The following UBE2G1 variants were observed in gnomAD, a reference collection of about 807,000 sequenced individuals.
The protein encoded by UBE2G1 is ubiquitin-conjugating enzyme E2 G1.
In UBE2G1, 5 loss-of-function variants were observed where a neutral mutation model predicts 22.7. That is an observed-to-expected ratio of 0.22 (90% CI 0.12 to 0.46). UBE2G1 has a LOEUF of 0.46. UBE2G1 is among the 20% of genes least tolerant of loss of function. The pLI is 0.99. For synonymous variants in UBE2G1, 74 were observed against 67.5 expected, an observed-to-expected ratio of 1.10 and a Z score of -0.47; for missense variants, 88 against 203.9, an observed-to-expected ratio of 0.43 and a Z score of 3.46.
chr17:4,348,275 C>T (rs887870243), intron 1 of UBE2G1, among the ~76,000 whole-genome samples: 1 of 151,844 alleles, frequency 6.6e-6, no homozygotes, highest in Non-Finnish European at 1.5e-5. Context: ...AAAAATAGGC[C>T]GGGCGCGGTG....
chr17:4,365,826 G>T lies in UBE2G1; in HGVS notation c.46+445C>A, dbSNP rs561766705. ...TATCCCGCCAGGGCCGGTCCCTTCCGCCCGCCCTCAGACACCGAGCCGGGG... is the reference window on the plus strand; with the variant it reads ...TATCCCGCCAGGGCCGGTCCCTTCCTCCCGCCCTCAGACACCGAGCCGGGG... On this transcript the variant is annotated intron_variant, in intron 1 of 5. Coordinates refer to ENST00000396981, the MANE Select transcript of UBE2G1 (RefSeq NM_003342.5). 6.6e-5 allele frequency among the ~76,000 whole-genome samples: 10 copies of T among 152,264 alleles called. No individual in the cohort carries two copies. The South Asian group carries it at 2.1e-3, about 32-fold the overall frequency.
At position 4,347,068 on chromosome 17, in the gene UBE2G1, G is replaced by A. The variant is rs534641420; in HGVS notation, c.46+19203C>T. ...CTCAGGAGGCGGAGGCAGGAGGATC[G>A]CTTGAGCCCAGGAGGCGGAGGTTGC... On this transcript the variant is annotated intron_variant, in intron 1 of 5. Transcript: ENST00000396981. Among the ~76,000 whole-genome samples the A allele has an allele frequency of 1.4e-3, 213 of 151,998 alleles. 1 individual carries two copies. Among genetic ancestry groups the A allele is most frequent in the Middle Eastern group, 3.4e-3 (1 of 294 alleles).
intron 1 of UBE2G1, among the ~76,000 whole-genome samples, chr17:4,322,776 T>C (rs1333704072): frequency 6.6e-6 from 1 of 152,184 alleles, no homozygotes; most frequent in African/African-American, 2.4e-5. Context: ...ACTGTTTCTA[T>C]GCAACAGAAA....
intron 1 of UBE2G1, among the ~76,000 whole-genome samples, chr17:4,356,137 C>T (rs1240540394): frequency 2.7e-5 from 4 of 149,522 alleles, no homozygotes; most frequent in East Asian, 2.0e-4. Flanking sequence ...GGGCAGATCA[C>T]CTGAGGTCAG....
intron 1 of UBE2G1, among the ~76,000 whole-genome samples, chr17:4,311,084 G>T (rs777063742): frequency 9.2e-5 from 14 of 151,976 alleles, no homozygotes; most frequent in Non-Finnish European, 1.6e-4. Flanking sequence ...AAATTAGCCA[G>T]GCACAGTGAT....
rs71144177 is a variant in UBE2G1 at position 4,279,785 on chromosome 17, TTA to T, written c.*37+3011_*37+3012del. Among the ~76,000 whole-genome samples the T allele has an allele frequency of 6.7e-3, 461 of 68,688 alleles. 13 individuals are homozygous for T. The highest frequency in any genetic ancestry group is 0.015 in the African/African-American group (340 of 22,956). 45.1% of individuals were successfully genotyped at this position (68,688 alleles called of 152,430 possible). A position where few individuals can be genotyped will look rare whatever the true frequency, so the allele number is the denominator to read the frequency against. On this transcript the variant is annotated intron_variant, in intron 5 of 5. Transcript: ENST00000396981. Reference sequence around the variant, plus strand: ...GCGAAACTCTGCCCCCAAAAAAAAGTTATATATATATATATATATATATATAT... The same window carrying T: ...GCGAAACTCTGCCCCCAAAAAAAAGTTATATATATATATATATATATATAT...
At chr17:4,336,400 C>T (rs1467361547) in intron 1 of UBE2G1, among the ~76,000 whole-genome samples, 10 of 152,044 alleles carry the variant, frequency 6.6e-5, no homozygotes, top group Admixed American at 6.5e-4. Flanking sequence ...CTTTCAAAAC[C>T]AGCTGAATTC....
chr17:4,310,439 G>A (rs1424213034), intron 1 of UBE2G1, among the ~76,000 whole-genome samples: 1 of 152,176 alleles, frequency 6.6e-6, no homozygotes, highest in African/African-American at 2.4e-5. Flanking sequence ...AAGGATTTGG[G>A]TGAGGGAATT....
At chr17:4,279,169 G>GA (rs1968853549) in intron 5 of UBE2G1, among the ~76,000 whole-genome samples, 1 of 152,006 alleles carries the variant, frequency 6.6e-6, no homozygotes. Context: ...CAGCTACTTG[G>GA]GAGGCTGAGG....
At chr17:4,275,311 A>T (rs1968808757) in intron 5 of UBE2G1, among the ~76,000 whole-genome samples, 1 of 152,234 alleles carries the variant, frequency 6.6e-6, no homozygotes, top group African/African-American at 2.4e-5. Flanking sequence ...TAAATGTGAA[A>T]CTGAATTAAC....
chr17:4,301,934 A>C (rs1969185168), intron 2 of UBE2G1: 1 of 482,318 alleles, frequency 2.1e-6, no homozygotes, highest in African/African-American at 2.0e-5. Flanking sequence ...GGTCACACTT[A>C]AGATTGGGGG....
intron 4 of UBE2G1, among the ~76,000 whole-genome samples, chr17:4,284,769 A>C (rs1339137199): frequency 6.6e-6 from 1 of 150,732 alleles, no homozygotes; most frequent in Non-Finnish European, 1.5e-5. Flanking sequence ...TGAGTGACAT[A>C]AATACCATTT....
chr17:4,352,941 G>A (rs1428439887), intron 1 of UBE2G1, among the ~76,000 whole-genome samples: 4 of 152,100 alleles, frequency 2.6e-5, no homozygotes, highest in East Asian at 1.9e-4. Context: ...GGGTGTGGCC[G>A]GGTACACTGG....
At chr17:4,308,431 A>G (rs1969271606) in intron 1 of UBE2G1, among the ~76,000 whole-genome samples, 3 of 152,344 alleles carry the variant, frequency 2.0e-5, no homozygotes, top group East Asian at 3.9e-4. Context: ...AGGCTAAGGC[A>G]GGAGAACTGC....
At chr17:4,316,365 T>C (rs890044143) in intron 1 of UBE2G1, among the ~76,000 whole-genome samples, 7 of 152,156 alleles carry the variant, frequency 4.6e-5, no homozygotes, top group Admixed American at 2.0e-4. Flanking sequence ...CAGTACATAA[T>C]TACTCCTAAC....
At chr17:4,362,935 C>A (rs1969985968) in intron 1 of UBE2G1, among the ~76,000 whole-genome samples, 1 of 151,964 alleles carries the variant, frequency 6.6e-6, no homozygotes, top group Admixed American at 6.6e-5. Flanking sequence ...CCAGCCTGGC[C>A]AACATGGTGA....
rs71144177 is a variant in UBE2G1 at position 4,279,785 on chromosome 17, T to TTA, written c.*37+3011_*37+3012dup. Among the ~76,000 whole-genome samples the TTA allele has an allele frequency of 3.7e-3, 257 of 68,760 alleles. 7 individuals are homozygous for TTA. Among genetic ancestry groups the TTA allele is most frequent in the African/African-American group, 5.8e-3 (133 of 23,056 alleles). The allele number at this position is 68,760 out of a possible 152,430, so 45.1% of individuals were successfully genotyped here. The stretch of plus-strand genomic sequence containing the variant: ...GCGAAACTCTGCCCCCAAAAAAAAG[T>TTA]TATATATATATATATATATATATAT... On this transcript the variant is annotated intron_variant, in intron 5 of 5. Transcript: ENST00000396981.
At chr17:4,359,462 A>G (rs1168861763) in intron 1 of UBE2G1, among the ~76,000 whole-genome samples, 2 of 152,372 alleles carry the variant, frequency 1.3e-5, no homozygotes, top group East Asian at 3.9e-4. Context: ...GCAAATCTAG[A>G]ACATAACTTT....
intron 5 of UBE2G1, among the ~76,000 whole-genome samples, chr17:4,277,775 T>C (rs934132203): frequency 9.7e-6 from 1 of 103,430 alleles, no homozygotes; most frequent in African/African-American, 3.1e-5. Context: ...CTATGTCCTA[T>C]CACATGACTG....
Sources: gnomAD v4.1 joint callset for allele counts (sites outside exome capture counted in the v4.1 genomes callset) on GRCh38, gnomAD v4.1.1 for gene constraint, MANE v1.5 for transcripts, NCBI Gene and HGNC (gene_info 2026-07-23, HGNC 2026-07-21) for gene names.